Variants in DIP2A observed in about 807,000 individuals in gnomAD.
DIP2A encodes the protein disco-interacting protein 2 homolog A.
A neutral mutation model predicts 177.4 loss-of-function variants in DIP2A; 85 were observed. The ratio of observed to expected loss-of-function variants is 0.48; its 90% confidence interval spans 0.40 to 0.57. The LOEUF is 0.57. Among genes scored for constraint, DIP2A ranks in the 20% least tolerant of loss-of-function variants. DIP2A has a pLI of 0.00. For synonymous variants in DIP2A, 886 were observed against 881.8 expected (o/e 1.00, Z -0.08); for missense variants, 1,791 against 2,100.2 (o/e 0.85, Z 2.88).
At chr21:46,552,973 C>G (rs1318224063) in intron 25 of DIP2A, 1 of 152,358 alleles carries the variant, frequency 6.6e-6, no homozygotes, top group Non-Finnish European at 1.5e-5. Context: ...AACTGGGTAG[C>G]AGGGGCTATG....
intron 22 of DIP2A, 196 bp downstream of exon 22, chr21:46,550,081 G>A (rs1334964273): frequency 7.4e-7 from 1 of 1,352,512 alleles, no homozygotes; most frequent in East Asian, 2.6e-5. Flanking sequence ...TATAATTTAT[G>A]AATACAATAT....
intron 8 of DIP2A, 120 bp downstream of exon 8, chr21:46,511,734 A>C: frequency 9.0e-7 from 1 of 1,108,756 alleles, no homozygotes; most frequent in South Asian, 1.8e-5. Flanking sequence ...CTGGCAGATA[A>C]ATAGAACATT....
intron 2 of DIP2A, among the ~76,000 whole-genome samples, chr21:46,488,729 C>T (rs1489373410): frequency 1.3e-5 from 2 of 152,134 alleles, no homozygotes; most frequent in Non-Finnish European, 1.5e-5. Flanking sequence ...TCATACATTG[C>T]TTGTAGGAGT....
At chr21:46,521,309 C>G (rs1445846140) in intron 8 of DIP2A, among the ~76,000 whole-genome samples, 1 of 152,204 alleles carries the variant, frequency 6.6e-6, no homozygotes, top group Admixed American at 6.5e-5. Flanking sequence ...CTGCCCCAGC[C>G]TCCTGAGTAG....
rs1358750734 is a variant in DIP2A at position 46,556,091 on chromosome 21, G to A, written c.3498G>A (p.Lys1166=). 1.2e-6 allele frequency: 2 copies of A among 1,612,424 alleles called. No individual in the cohort carries two copies. The highest frequency in any genetic ancestry group is 1.7e-5 in the Admixed American group (1 of 60,030). ...VSTTGILAGV[K]MSHAATSALC... ...CCACTGGGATATTAGCGGGAGTGAA[G>A]GTAGGTCCTCTGAAATCTTGTTTGC... Residue 1166 remains lysine (K), a splice_region_variant and synonymous_variant, in exon 29 of 38, where the codon AAG becomes AAA. Coordinates refer to ENST00000417564, the MANE Select transcript of DIP2A (RefSeq NM_015151.4). This position sits in a 1 kb window ranked among gnomAD's most constrained non-coding sequence, Gnocchi z 4.5.
At chr21:46,523,093 T>C (rs1311322068) in intron 8 of DIP2A, among the ~76,000 whole-genome samples, 1 of 151,220 alleles carries the variant, frequency 6.6e-6, no homozygotes, top group Non-Finnish European at 1.5e-5. Context: ...GCCCAGCTAA[T>C]TTTGTATTTT....
chr21:46,536,711 C>G (rs2148789178), intron 13 of DIP2A, among the ~76,000 whole-genome samples: 1 of 152,244 alleles, frequency 6.6e-6, no homozygotes, highest in Non-Finnish European at 1.5e-5. Flanking sequence ...TGAGACCAGC[C>G]TGGCCAACGT....
chr21:46,577,808 T>G, the DIP2A span, among the ~76,000 whole-genome samples: 1 of 152,230 alleles, frequency 6.6e-6, no homozygotes, highest in Non-Finnish European at 1.5e-5. Context: ...TCTGATTTCC[T>G]TGAGCAGTGG....
At position 46,509,322 on chromosome 21, in the gene DIP2A, A is replaced by G; in HGVS notation, c.850A>G (p.Lys284Glu). 6.2e-7 allele frequency: 1 copy of G among 1,613,872 alleles called. No individual in the cohort carries two copies. The highest frequency in any genetic ancestry group is 8.5e-7 in the Non-Finnish European group (1 of 1,179,814). Residue 284 changes from lysine (K) to glutamate (E), a missense_variant, in exon 7 of 38, where the codon AAG becomes GAG. Coordinates refer to ENST00000417564, the MANE Select transcript of DIP2A (RefSeq NM_015151.4). ...GCTTCTGAACACCCTGAAGAGGCCAAAGCGCCCTCCACTGAAGGAGTTCTT... is the reference window on the plus strand; with the variant it reads ...GCTTCTGAACACCCTGAAGAGGCCAGAGCGCCCTCCACTGAAGGAGTTCTT... The part of the protein sequence containing the change: ...QQLLNTLKRP[K>E]RPPLKEFFVD...
Position 46,511,548 on chromosome 21 carries a change from C to G in DIP2A, c.1036C>G (p.Gln346Glu), listed in dbSNP as rs755669211. The G allele has an allele frequency of 1.3e-5, 21 of 1,601,644 alleles. No individual in the cohort carries two copies. Among genetic ancestry groups the G allele is most frequent in the Non-Finnish European group, 1.7e-5 (20 of 1,174,696 alleles). The change falls in exon 8 of 38, where the codon CAG (glutamine) becomes GAG (glutamate). Residue 346 changes from glutamine (Q) to glutamate (E), a missense_variant. Transcript: ENST00000417564. ...CACCTTGCAGCGCTGGGGCACAACACAGCCCAAATCCCCCTGTCTGACTGC... is the reference window on the plus strand; with the variant it reads ...CACCTTGCAGCGCTGGGGCACAACAGAGCCCAAATCCCCCTGTCTGACTGC... ...LATLQRWGTT[Q>E]PKSPCLTALD... is the part of the protein sequence containing the mutation.
chr21:46,509,252 G>A lies in DIP2A; in HGVS notation c.785-5G>A, dbSNP rs776445583. The A allele has an allele frequency of 2.5e-6, 4 of 1,611,142 alleles. No homozygotes were observed. The African/African-American group carries it at 5.4e-5, about 22-fold the overall frequency. On this transcript the variant is annotated splice_polypyrimidine_tract_variant and splice_region_variant and intron_variant, in intron 6 of 37. Transcript: ENST00000417564. ...CTCAGTGCTCCTCTGTCCTTCCCGTGACAGGTGTCCCTGTGAACAGCAGAG... is the reference window on the plus strand; with the variant it reads ...CTCAGTGCTCCTCTGTCCTTCCCGTAACAGGTGTCCCTGTGAACAGCAGAG...
chr21:46,550,080 T>C, intron 22 of DIP2A, 195 bp downstream of exon 22: 1 of 1,357,244 alleles, frequency 7.4e-7, no homozygotes, highest in Non-Finnish European at 9.7e-7. Context: ...TTATAATTTA[T>C]GAATACAATA....
intron 1 of DIP2A, among the ~76,000 whole-genome samples, chr21:46,464,051 T>A (rs1425345531): frequency 6.6e-6 from 1 of 151,922 alleles, no homozygotes; most frequent in Non-Finnish European, 1.5e-5. Context: ...ATTGCCTTTG[T>A]GTTAATAAAC....
chr21:46,573,923 GC>G (rs1382898435), downstream of DIP2A, among the ~76,000 whole-genome samples: 2 of 152,162 alleles, frequency 1.3e-5, no homozygotes, highest in Middle Eastern at 3.4e-3. Flanking sequence ...AAATGTCAGT[GC>G]CCTGCTTTGA....
At chr21:46,509,128 A>ATT (rs2058179195) in intron 6 of DIP2A, 129 bp from the exon 7 acceptor site, 2 of 996,550 alleles carry the variant, frequency 2.0e-6, no homozygotes, top group African/African-American at 3.3e-5. Context: ...ATGACTGTCC[A>ATT]GTGGGGCCCA....
chr21:46,511,285 T>C, intron 7 of DIP2A, 132 bp from the exon 8 acceptor site: 1 of 1,006,994 alleles, frequency 9.9e-7, no homozygotes, highest in Non-Finnish European at 1.4e-6. Context: ...GATGCAAAAA[T>C]CGAAACAAAT....
intron 7 of DIP2A, 26 bp from the exon 8 acceptor site, chr21:46,511,391 T>G (rs2058305811): frequency 4.4e-6 from 7 of 1,581,756 alleles, no homozygotes; most frequent in Non-Finnish European, 5.2e-6. Context: ...GAATTGCTGA[T>G]TTTAAAGTTT....
At position 46,567,602 on chromosome 21, in the gene DIP2A, T is replaced by C. The variant is rs746541209; in HGVS notation, c.4696T>C (p.Tyr1566His). ...CCTGGCTGACCAGCTGGACCCCATCTATGTCGCCTACAACATGTGAGCGCA... is the reference window on the plus strand; with the variant it reads ...CCTGGCTGACCAGCTGGACCCCATCCATGTCGCCTACAACATGTGAGCGCA... ...GFLADQLDPI[Y>H]VAYNM Residue 1566 changes from tyrosine (Y) to histidine (H), a missense_variant, in exon 38 of 38, where the codon TAT (tyrosine) becomes CAT (histidine). Physicochemically the swap from Tyr to His is moderately conservative, Grantham distance 83. Coordinates refer to ENST00000417564, the MANE Select transcript of DIP2A (RefSeq NM_015151.4). 8 of 1,604,268 alleles carry C rather than the reference T, an allele frequency of 5.0e-6. No individual in the cohort carries two copies. Among genetic ancestry groups the C allele is most frequent in the Non-Finnish European group, 6.8e-6 (8 of 1,174,492 alleles).
intron 5 of DIP2A, among the ~76,000 whole-genome samples, chr21:46,500,179 CCTT>C (rs979214614): frequency 2.0e-4 from 31 of 152,312 alleles, no homozygotes; most frequent in African/African-American, 6.0e-4. Context: ...GAACATGTGT[CCTT>C]CTTCTGAGGC....
Sources: allele counts gnomAD v4.1 joint callset (sites outside exome capture counted in the v4.1 genomes callset), GRCh38; gene constraint gnomAD v4.1.1; non-coding constraint Gnocchi (gnomAD v3.1); transcripts MANE v1.5; gene names NCBI Gene and HGNC (gene_info 2026-07-23, HGNC 2026-07-21).